Variants in MYT1L observed in about 807,000 individuals in gnomAD.
MYT1L encodes myelin transcription factor 1 like, also known as myelin transcription factor 1-like protein.
A neutral mutation model predicts 126.7 loss-of-function variants in MYT1L; 12 were observed. The ratio of observed to expected loss-of-function variants is 0.09; its 90% CI spans 0.06 to 0.15. MYT1L has a LOEUF of 0.15. Ranked by LOEUF, MYT1L falls within the 10% of genes least tolerant of loss-of-function variation. The probability of loss-of-function intolerance (pLI) is 1.00; values close to 1 mark genes in which losing one functional copy is unlikely to be tolerated. For missense variants in MYT1L, 979 were observed against 1,585.2 expected, an observed-to-expected ratio of 0.62 and a Z score of 6.49; for synonymous variants, 541 against 604.2, an observed-to-expected ratio of 0.90 and a Z score of 1.53.
chr2:1,832,007 G>T (rs1199105603), intron 21 of MYT1L, among the ~76,000 whole-genome samples: 2 of 152,132 alleles, frequency 1.3e-5, no homozygotes, highest in Non-Finnish European at 2.9e-5. Context: ...AGAATCTCAA[G>T]TTCACGTATT....
chr2:2,182,908 G>A (rs950214291), intron 2 of MYT1L, among the ~76,000 whole-genome samples: 1 of 152,154 alleles, frequency 6.6e-6, no homozygotes, highest in Non-Finnish European at 1.5e-5. Context: ...GAAGGAGGGA[G>A]GTCATCGCTT....
intron 8 of MYT1L, among the ~76,000 whole-genome samples, chr2:1,949,399 A>T (rs1242465887): frequency 1.3e-5 from 2 of 151,874 alleles, no homozygotes; most frequent in Non-Finnish European, 2.9e-5. Flanking sequence ...AGCCTGGGCC[A>T]TGCCTCCTGG....
intron 2 of MYT1L, among the ~76,000 whole-genome samples, chr2:2,227,778 GT>G (rs1335194805): frequency 6.6e-6 from 1 of 152,166 alleles, no homozygotes; most frequent in East Asian, 1.9e-4. Context: ...CCTGCATCAT[GT>G]ACTTTTTAGA....
rs776165777 is a variant in MYT1L at position 1,917,367 on chromosome 2, A to G, written c.1484-28T>C. On this transcript the variant is annotated intron_variant, in intron 10 of 24. Transcript: ENST00000647738. The surrounding 1 kb of genome is among the most constrained non-coding windows in gnomAD (Gnocchi z 5.9). ...AAAAGCGACAACAGGTGCCAAGAGA[A>G]TAAATGTTTACCAATCAAAGACAAA... The G allele has an allele frequency of 3.2e-6, 5 of 1,575,174 alleles. No homozygotes were observed. In the Admixed American group the frequency reaches 7.2e-5, roughly 23 times the overall value.
At chr2:2,016,559 A>G (rs1321898088) in intron 4 of MYT1L, among the ~76,000 whole-genome samples, 1 of 152,228 alleles carries the variant, frequency 6.6e-6, no homozygotes, top group Non-Finnish European at 1.5e-5. Flanking sequence ...CAGGAATCCA[A>G]CACCCTTCTC....
intron 3 of MYT1L, among the ~76,000 whole-genome samples, chr2:2,155,044 T>C (rs1463781495): frequency 6.6e-6 from 1 of 152,144 alleles, no homozygotes; most frequent in Non-Finnish European, 1.5e-5. Context: ...GGAGAATCTC[T>C]TGAACCTGGG....
At chr2:1,829,026 G>A (rs1247850305) in intron 21 of MYT1L, among the ~76,000 whole-genome samples, 2 of 152,148 alleles carry the variant, frequency 1.3e-5, no homozygotes, top group Non-Finnish European at 2.9e-5. Context: ...GCACATGAGA[G>A]AGAAGTCTCA....
At chr2:2,264,663 C>T (rs114983615) in intron 2 of MYT1L, among the ~76,000 whole-genome samples, 2,300 of 152,140 alleles carry the variant, frequency 0.015, 28 homozygotes, top group Non-Finnish European at 0.02. Context: ...GGGCTGAGGA[C>T]GCGCCACGGT....
chr2:2,029,062 T>TA (rs1400952835), intron 4 of MYT1L, among the ~76,000 whole-genome samples: 1 of 152,208 alleles, frequency 6.6e-6, no homozygotes, highest in Admixed American at 6.5e-5. Context: ...CAGAACTTTT[T>TA]AAAAAGCTTC....
chr2:2,056,391 T>C (rs2069564523), intron 3 of MYT1L, among the ~76,000 whole-genome samples: 1 of 151,876 alleles, frequency 6.6e-6, no homozygotes, highest in Non-Finnish European at 1.5e-5. Flanking sequence ...CGTCTGGGAG[T>C]AATTTATGAG....
chr2:2,190,555 TA>T (rs777939174), intron 2 of MYT1L, among the ~76,000 whole-genome samples: 503 of 108,428 alleles, frequency 4.6e-3, no homozygotes, highest in Middle Eastern at 0.024. Context: ...CAAGACCTGT[TA>T]AAAAAAAAAA....
chr2:1,977,453 TA>T (rs2060270354), intron 8 of MYT1L, among the ~76,000 whole-genome samples: 2 of 152,242 alleles, frequency 1.3e-5, no homozygotes, highest in Non-Finnish European at 1.5e-5. Context: ...CCTGCAAAAC[TA>T]TGGCTATAAA....
At chr2:2,069,179 C>T (rs1366405022) in intron 3 of MYT1L, among the ~76,000 whole-genome samples, 4 of 152,080 alleles carry the variant, frequency 2.6e-5, no homozygotes, top group African/African-American at 4.8e-5. Context: ...CCCGTCAACT[C>T]GTCATTGACA....
intron 8 of MYT1L, among the ~76,000 whole-genome samples, chr2:1,967,322 G>C (rs2059442625): frequency 6.6e-6 from 1 of 152,178 alleles, no homozygotes; most frequent in Non-Finnish European, 1.5e-5. Flanking sequence ...TGAGCCCTGT[G>C]CTGTGAGTGG....
intron 2 of MYT1L, among the ~76,000 whole-genome samples, chr2:2,269,810 G>T (rs1483577974): frequency 6.6e-6 from 1 of 152,240 alleles, no homozygotes; most frequent in Non-Finnish European, 1.5e-5. Flanking sequence ...CAGAATCACA[G>T]TGGGTCCATT....
chr2:1,832,423 G>T (rs1264110842), intron 21 of MYT1L, among the ~76,000 whole-genome samples: 2 of 152,176 alleles, frequency 1.3e-5, no homozygotes, highest in Non-Finnish European at 2.9e-5. Context: ...GGCGTTCAAG[G>T]CTTCATTCTT....
rs1350000013 is a variant in MYT1L, at chr2:2,197,743, A to G, written c.-420-24755T>C. On this transcript the variant is annotated intron_variant, in intron 2 of 24. Coordinates refer to ENST00000647738, the MANE Select transcript of MYT1L (RefSeq NM_001303052.2). The stretch of plus-strand genomic sequence containing the variant: ...AGATGTATATAACACACACATATAT[A>G]CACACATGCACACACACACACAATG... 2.0e-5 allele frequency among the ~76,000 whole-genome samples: 3 copies of G among 147,038 alleles called. No individual in the cohort carries two copies. In the East Asian group the frequency reaches 5.9e-4, roughly 29 times the overall value.
At chr2:2,167,483 C>G (rs2089341262) in intron 3 of MYT1L, among the ~76,000 whole-genome samples, 1 of 152,142 alleles carries the variant, frequency 6.6e-6, no homozygotes, top group African/African-American at 2.4e-5. Flanking sequence ...GTTAGCTCCT[C>G]CAATCCACAC....
Position 1,910,839 on chromosome 2 carries a change from A to G in MYT1L, c.1710-492T>C, listed in dbSNP as rs998811514. Among the ~76,000 whole-genome samples, 6 of 152,178 alleles carry G rather than the reference A, an allele frequency of 3.9e-5. No individual in the cohort carries two copies. In the East Asian group the frequency reaches 7.7e-4, roughly 20 times the overall value. ...CTTTAGCCCTTTGGTGTTCTCCACA[A>G]GCAGGGAAATGAAAGTGGAGAGGAA... On this transcript the variant is annotated intron_variant, in intron 12 of 24. Coordinates refer to ENST00000647738, the MANE Select transcript of MYT1L (RefSeq NM_001303052.2). This position sits in a 1 kb window ranked among gnomAD's most constrained non-coding sequence, Gnocchi z 4.8.
Sources: allele counts gnomAD v4.1 joint callset (sites outside exome capture counted in the v4.1 genomes callset), GRCh38; gene constraint gnomAD v4.1.1; non-coding constraint Gnocchi (gnomAD v3.1); transcripts MANE v1.5; gene names NCBI Gene and HGNC (gene_info 2026-07-23, HGNC 2026-07-21).